The following MIA2 variants were observed in gnomAD, a reference collection of about 807,000 sequenced individuals.
The protein encoded by MIA2 is melanoma inhibitory activity protein 2.
A neutral mutation model predicts 167.8 loss-of-function variants in MIA2; 127 were observed. The ratio of observed to expected loss-of-function variants is 0.76; its 90% CI spans 0.66 to 0.88. The LOEUF (loss-of-function observed/expected upper bound fraction) is 0.88, where lower values mean the gene tolerates loss of function less well. MIA2 is among the 40% of genes least tolerant of loss of function. The pLI is 0.00. For missense variants in MIA2, 1,690 were observed against 1,624.7 expected, an observed-to-expected ratio of 1.04 and a Z score of -0.69; for synonymous variants, 552 against 541.9, an observed-to-expected ratio of 1.02 and a Z score of -0.26.
chr14:39,268,133 A>G (rs1397755995), intron 6 of MIA2, among the ~76,000 whole-genome samples: 1 of 152,160 alleles, frequency 6.6e-6, no homozygotes, highest in East Asian at 1.9e-4. Flanking sequence ...TCTAGTTTAT[A>G]ATCAAGTTGT....
intron 24 of MIA2, among the ~76,000 whole-genome samples, chr14:39,322,203 A>T (rs2152975246): frequency 6.6e-6 from 1 of 152,322 alleles, no homozygotes; most frequent in South Asian, 2.1e-4. Flanking sequence ...GTGCTCTTGT[A>T]GGCAGATTTT....
At chr14:39,324,197 G>T (rs531345544) in intron 24 of MIA2, among the ~76,000 whole-genome samples, 1 of 152,276 alleles carries the variant, frequency 6.6e-6, no homozygotes, top group East Asian at 1.9e-4. Context: ...TGTAGCTTTG[G>T]TCTTCTGGAA....
At chr14:39,266,858 C>G (rs1035021493) in intron 6 of MIA2, 3 of 758,288 alleles carry the variant, frequency 4.0e-6, no homozygotes, top group Non-Finnish European at 4.8e-6. Flanking sequence ...GGGGGTTGCG[C>G]CGAGACGCCT....
intron 25 of MIA2, among the ~76,000 whole-genome samples, chr14:39,328,945 A>G (rs950976331): frequency 3.3e-5 from 5 of 151,986 alleles, no homozygotes; most frequent in Admixed American, 6.6e-5. Flanking sequence ...TCTTGGATAT[A>G]TGGGCTTTTT....
At chr14:39,383,255 G>T (rs1388229264) in intron 23 of MIA2, among the ~76,000 whole-genome samples, 1 of 151,934 alleles carries the variant, frequency 6.6e-6, no homozygotes, top group Non-Finnish European at 1.5e-5. Context: ...TTCTTGCTTT[G>T]TGTCTCTGTG....
chr14:39,329,340 A>G (rs2068274231), intron 25 of MIA2, among the ~76,000 whole-genome samples: 1 of 152,200 alleles, frequency 6.6e-6, no homozygotes, highest in African/African-American at 2.4e-5. Flanking sequence ...GTTGCTTATT[A>G]GCTTAAGGAG....
chr14:39,237,127 T>C, intron 2 of MIA2, 72 bp downstream of exon 2: 1 of 1,552,872 alleles, frequency 6.4e-7, no homozygotes, highest in Non-Finnish European at 8.8e-7. Context: ...TCCTTTTCTT[T>C]TCTTTTTTTT....
intron 1 of MIA2, among the ~76,000 whole-genome samples, chr14:39,235,283 A>G (rs896939732): frequency 2.0e-5 from 3 of 152,110 alleles, no homozygotes; most frequent in African/African-American, 7.2e-5. Context: ...CAGCCTCCCA[A>G]AGTGCTAAGA....
At chr14:39,332,855 G>T (rs1259420796) in intron 25 of MIA2, among the ~76,000 whole-genome samples, 1 of 152,050 alleles carries the variant, frequency 6.6e-6, no homozygotes, top group African/African-American at 2.4e-5. Flanking sequence ...GACCGGAGCT[G>T]TTCCTATTTC....
In MIA2 at chr14:39,291,028, T is replaced by C. The variant is rs533063800; in HGVS notation, c.2140T>C (p.Tyr714His). The change falls in exon 10 of 29, where the codon TAT becomes CAT. Residue 714 changes from tyrosine (Y) to histidine (H), a missense_variant. Coordinates refer to ENST00000640607, the MANE Select transcript of MIA2 (RefSeq NM_001329214.4). ...FSLVQKEYEG[Y>H]EVESSLKDAS... ...TGTTGCTTTGTTTCAGTATGAAGGC[T>C]ATGAAGTAGAGTCATCTTTAAAGGA... The C allele has an allele frequency of 6.2e-7, 1 of 1,607,192 alleles. No individual in the cohort carries two copies. Among genetic ancestry groups the C allele is most frequent in the South Asian group, 1.1e-5 (1 of 89,246 alleles).
intron 6 of MIA2, among the ~76,000 whole-genome samples, chr14:39,262,766 T>C (rs1421640069): frequency 6.6e-6 from 1 of 152,224 alleles, no homozygotes; most frequent in Admixed American, 6.5e-5. Flanking sequence ...TATTTTATTC[T>C]CTTTGAAGCA....
intron 21 of MIA2, 100 bp from the exon 22 acceptor site, chr14:39,317,844 T>A (rs1240030140): frequency 7.1e-6 from 5 of 707,040 alleles, no homozygotes; most frequent in African/African-American, 3.7e-5. Context: ...GTGATATATA[T>A]ATATTTTTAA....
chr14:39,353,757 T>A (rs1487486740), downstream of MIA2, among the ~76,000 whole-genome samples: 3 of 152,174 alleles, frequency 2.0e-5, no homozygotes, highest in Admixed American at 2.0e-4. Flanking sequence ...ATGTTCCCCT[T>A]CCTGTGTCCA....
chr14:39,308,613 T>C (rs1032308934), intron 18 of MIA2, 26 bp downstream of exon 18: 27 of 1,493,942 alleles, frequency 1.8e-5, no homozygotes, highest in Non-Finnish European at 2.4e-5. Context: ...TTAACTCCAT[T>C]GAACAGCAAG....
In MIA2 at chr14:39,234,087, C is replaced by T. The variant is rs548756295; in HGVS notation, c.-28C>T. The T allele has an allele frequency of 5.4e-6, 8 of 1,472,144 alleles. No individual in the cohort carries two copies. In the African/African-American group the frequency reaches 7.1e-5, roughly 13 times the overall value. 91.2% of individuals were successfully genotyped at this position (1,472,144 alleles called of 1,614,324 possible). A position where few individuals can be genotyped will look rare whatever the true frequency, so the allele number is the denominator to read the frequency against. ...ACCTGAACAATTGGCTTAAACTTCA[C>T]TTGGGATTCCCGGTTGCTTGTTTTA... On this transcript the variant is annotated 5_prime_UTR_variant, in exon 1 of 29. Coordinates refer to ENST00000640607, the MANE Select transcript of MIA2 (RefSeq NM_001329214.4).
Position 39,247,366 on chromosome 14 carries a change from A to G in MIA2, c.792A>G (p.Leu264=), listed in dbSNP as rs140091237. 57 of 1,614,056 alleles carry G rather than the reference A, an allele frequency of 3.5e-5. No homozygotes were observed. Among genetic ancestry groups the G allele is most frequent in the Non-Finnish European group, 4.7e-5 (56 of 1,180,028 alleles). The change falls in exon 4 of 29, where the codon CTA becomes CTG. Residue 264 remains leucine (L), a synonymous_variant. Coordinates refer to ENST00000640607, the MANE Select transcript of MIA2 (RefSeq NM_001329214.4). Reference sequence around the variant, plus strand: ...TAGCAGTGGAAGATGAGAATGACCTAGAGGAATTAAATAATGGTGAGCCTC... The same window carrying G: ...TAGCAGTGGAAGATGAGAATGACCTGGAGGAATTAAATAATGGTGAGCCTC... ...RKIAVEDEND[L]EELNNGEPQT...
chr14:39,327,535 G>C (rs1325190754), intron 25 of MIA2, among the ~76,000 whole-genome samples: 1 of 152,068 alleles, frequency 6.6e-6, no homozygotes, highest in African/African-American at 2.4e-5. Flanking sequence ...AGTCACAGCA[G>C]AATATCTTGA....
chr14:39,267,300 C>G, intron 6 of MIA2: 1 of 1,472,822 alleles, frequency 6.8e-7, no homozygotes, highest in Non-Finnish European at 9.0e-7. Context: ...TGCGGGTGCC[C>G]CTGTCCCCCA....
At chr14:39,307,780 A>G (rs1165326441) in intron 17 of MIA2, among the ~76,000 whole-genome samples, 1 of 152,126 alleles carries the variant, frequency 6.6e-6, no homozygotes, top group South Asian at 2.1e-4. Context: ...TCAAAAAATA[A>G]TGGGATCCTG....
Sources: allele counts gnomAD v4.1 joint callset (sites outside exome capture counted in the v4.1 genomes callset), GRCh38; gene constraint gnomAD v4.1.1; transcripts MANE v1.5; gene names NCBI Gene and HGNC (gene_info 2026-07-23, HGNC 2026-07-21).